EPHB1: variants seen among roughly 807,000 people sequenced by gnomAD.
EPHB1 encodes the protein ephrin type-B receptor 1.
EPHB1 carries 30 observed loss-of-function variants against 94.4 expected under a neutral mutation model. The observed-to-expected ratio is 0.32, with a 90% CI of 0.24 to 0.43. EPHB1 has a LOEUF of 0.43. Among genes scored for constraint, EPHB1 ranks in the 20% least tolerant of loss-of-function variants. The probability of loss-of-function intolerance (pLI) is 1.00; values close to 1 mark genes in which losing one functional copy is unlikely to be tolerated. For synonymous variants in EPHB1, 522 were observed against 489.1 expected, an observed-to-expected ratio of 1.07 and a Z score of -0.89; for missense variants, 1,055 against 1,308.3, an observed-to-expected ratio of 0.81 and a Z score of 2.99.
chr3:135,006,720 T>G (rs1264275390), intron 3 of EPHB1, among the ~76,000 whole-genome samples: 4 of 152,124 alleles, frequency 2.6e-5, no homozygotes. Context: ...TACAATAGAG[T>G]GCTCTGTAGG....
chr3:135,142,108 G>T (rs528750487), intron 5 of EPHB1, among the ~76,000 whole-genome samples: 1 of 152,328 alleles, frequency 6.6e-6, no homozygotes, highest in East Asian at 1.9e-4. Context: ...TATGCAGTTG[G>T]ATATTCAGGC....
chr3:134,863,303 A>G (rs1301336734), intron 1 of EPHB1, among the ~76,000 whole-genome samples: 1 of 152,188 alleles, frequency 6.6e-6, no homozygotes, highest in African/African-American at 2.4e-5. Context: ...TTCGCATCAT[A>G]CTGCAATTGC....
chr3:135,013,191 G>A (rs529407867), intron 3 of EPHB1, among the ~76,000 whole-genome samples: 52 of 152,286 alleles, frequency 3.4e-4, no homozygotes, highest in African/African-American at 1.2e-3. Flanking sequence ...TGCCTACCTT[G>A]TCTATACCCC....
rs772302478 is a variant in EPHB1 at position 135,076,234 on chromosome 3, G to GGTAT, written c.806-30214_806-30213insGTAT. On this transcript the variant is annotated intron_variant, in intron 3 of 15. Transcript: ENST00000398015. Reference sequence around the variant, plus strand: ...TTTGTATATCATTTATCTGAAAAGGGATATATATATATATATATATATATA... The same window carrying GGTAT: ...TTTGTATATCATTTATCTGAAAAGGGGTATATATATATATATATATATATATATA... Among the ~76,000 whole-genome samples the GGTAT allele has an allele frequency of 3.8e-5, 5 of 131,172 alleles. No homozygotes were observed. The East Asian group carries it at 9.7e-4, about 25-fold the overall frequency. The allele number at this position is 131,172 out of a possible 152,430, so 86.1% of individuals were successfully genotyped here. A position where few individuals can be genotyped will look rare whatever the true frequency, so the allele number is the denominator to read the frequency against.
rs1204450072 is a variant in EPHB1, at chr3:135,192,754, C to A, written c.2061C>A (p.Val687=). The A allele has an allele frequency of 6.2e-7, 1 of 1,614,142 alleles. No individual in the cohort carries two copies. Among genetic ancestry groups the A allele is most frequent in the Non-Finnish European group, 8.5e-7 (1 of 1,180,018 alleles). The part of the protein sequence containing the change: ...HPNIIRLEGV[V]TKSRPVMIIT... ...ACATCATTCGCCTGGAGGGTGTGGT[C>A]ACCAAGAGTCGGCCTGTCATGATCA... Residue 687 remains valine (V), a synonymous_variant, in exon 11 of 16, where the codon GTC becomes GTA. Coordinates refer to ENST00000398015, the MANE Select transcript of EPHB1 (RefSeq NM_004441.5).
chr3:134,945,081 C>T (rs1419125163), intron 2 of EPHB1, among the ~76,000 whole-genome samples: 4 of 151,908 alleles, frequency 2.6e-5, no homozygotes, highest in Non-Finnish European at 2.9e-5. Flanking sequence ...TTGTTGATAC[C>T]CTTTGCCCAA....
chr3:135,031,689 C>G (rs1226666443), intron 3 of EPHB1, among the ~76,000 whole-genome samples: 1 of 152,158 alleles, frequency 6.6e-6, no homozygotes, highest in Non-Finnish European at 1.5e-5. Flanking sequence ...CAAAGCCAAT[C>G]AAAATTCTAT....
chr3:134,957,649 A>C (rs1227478642), intron 3 of EPHB1, among the ~76,000 whole-genome samples: 3 of 152,186 alleles, frequency 2.0e-5, no homozygotes, highest in Non-Finnish European at 4.4e-5. Flanking sequence ...GAAGCTGAAG[A>C]CTGACTGTCT....
intron 3 of EPHB1, among the ~76,000 whole-genome samples, chr3:134,984,844 G>A (rs1343640280): frequency 6.6e-6 from 1 of 152,156 alleles, no homozygotes; most frequent in Admixed American, 6.5e-5. Flanking sequence ...CTAGGGGCGA[G>A]CCAGAGAGGA....
chr3:134,932,037 G>GTC (rs1022437696), intron 2 of EPHB1, among the ~76,000 whole-genome samples: 2 of 151,978 alleles, frequency 1.3e-5, no homozygotes, highest in African/African-American at 4.8e-5. Flanking sequence ...GTTTGTGTGT[G>GTC]TGTGTGTGTG....
intron 12 of EPHB1, among the ~76,000 whole-genome samples, chr3:135,217,427 CACACACA>C: frequency 7.7e-5 from 1 of 13,038 alleles, no homozygotes; most frequent in African/African-American, 2.9e-4. Flanking sequence ...ATCAGTACCA[CACACACA>C]CACACACACA....
chr3:135,220,236 C>T (rs1943244402), intron 12 of EPHB1, among the ~76,000 whole-genome samples: 1 of 152,142 alleles, frequency 6.6e-6, no homozygotes, highest in Non-Finnish European at 1.5e-5. Flanking sequence ...AAGGGAAAGA[C>T]CAGGGCATGG....
intron 12 of EPHB1, among the ~76,000 whole-genome samples, chr3:135,205,635 A>G (rs942855963): frequency 7.2e-5 from 11 of 152,194 alleles, no homozygotes; most frequent in African/African-American, 2.2e-4. Context: ...TTTCAAGCAC[A>G]CAGAGAACTT....
rs990266480 is a variant in EPHB1, at chr3:135,170,198, C to T, written c.1759+3192C>T. 8.7e-4 allele frequency among the ~76,000 whole-genome samples: 132 copies of T among 152,324 alleles called. 1 individual carries two copies. The highest frequency in any genetic ancestry group is 2.5e-4 in the Non-Finnish European group (17 of 68,034). ...GACACTACAGAGAGGCTGGCAGCCC[C>T]TCCCCTCCCAGACCTTCCTTTCAAA... On this transcript the variant is annotated intron_variant, in intron 9 of 15. Transcript: ENST00000398015.
rs143429430 is a variant in EPHB1 at position 135,102,093 on chromosome 3, G to A, written c.806-4355G>A. Among the ~76,000 whole-genome samples the A allele has an allele frequency of 9.7e-3, 1,470 of 152,310 alleles. 17 individuals are homozygous for A. The highest frequency in any genetic ancestry group is 0.035 in the South Asian group (169 of 4,826). On this transcript the variant is annotated intron_variant, in intron 3 of 15. Coordinates refer to ENST00000398015, the MANE Select transcript of EPHB1 (RefSeq NM_004441.5). ...TAGTGCTGACCGTAATTCTGTAAAG[G>A]AACTCCTGAGTTTTGAAATGATACG...
rs2038784312 is a variant in EPHB1 at position 134,925,983 on chromosome 3, G to T, written c.123+103G>T. On this transcript the variant is annotated intron_variant, in intron 2 of 15. Coordinates refer to ENST00000398015, the MANE Select transcript of EPHB1 (RefSeq NM_004441.5). ...CCCAGAGCAGTACCTGTGGGGAATG[G>T]AATACAGGTGTGAATGGCTGTGTCC... 9.0e-6 allele frequency: 9 copies of T among 1,001,830 alleles called. No individual in the cohort carries two copies. In the South Asian group the frequency reaches 1.6e-4, roughly 18 times the overall value. 62.1% of individuals were successfully genotyped at this position (1,001,830 alleles called of 1,614,324 possible).
intron 1 of EPHB1, among the ~76,000 whole-genome samples, chr3:134,854,141 T>A (rs2037054959): frequency 6.6e-6 from 1 of 152,072 alleles, no homozygotes; most frequent in Non-Finnish European, 1.5e-5. Context: ...ATATGACGGG[T>A]CTGGTATTAC....
intron 12 of EPHB1, among the ~76,000 whole-genome samples, chr3:135,217,468 G>A (rs200741516): frequency 0.068 from 6,943 of 102,026 alleles, 263 homozygotes; most frequent in East Asian, 0.23. Flanking sequence ...ACACACACAC[G>A]CACACGGGGA....
At chr3:134,943,562 T>C (rs2039162182) in intron 2 of EPHB1, among the ~76,000 whole-genome samples, 1 of 152,158 alleles carries the variant, frequency 6.6e-6, no homozygotes, top group Non-Finnish European at 1.5e-5. Flanking sequence ...AATACCCGAC[T>C]GACCTCCAGG....
Sources: gnomAD v4.1 joint callset for allele counts (sites outside exome capture counted in the v4.1 genomes callset) on GRCh38, gnomAD v4.1.1 for gene constraint, MANE v1.5 for transcripts, NCBI Gene and HGNC (gene_info 2026-07-23, HGNC 2026-07-21) for gene names.